The following OR51E1 variants were observed in gnomAD, a reference collection of about 807,000 sequenced individuals.
OR51E1 encodes the protein olfactory receptor 51E1.
OR51E1 carries 9 observed loss-of-function variants against 11.5 expected under a neutral mutation model. The observed-to-expected ratio is 0.78, with a 90% CI of 0.47 to 1.37. OR51E1 has a LOEUF of 1.37. OR51E1 is among the 40% of genes most tolerant of loss of function. OR51E1 has a pLI of 0.00. For missense variants in OR51E1, 397 were observed against 410.2 expected (o/e 0.97, Z 0.28); for synonymous variants, 168 against 158.3 (o/e 1.06, Z -0.46).
Position 4,653,077 on chromosome 11 carries a change from A to C in OR51E1, c.551A>C (p.His184Pro). The C allele has an allele frequency of 1.2e-6, 2 of 1,613,880 alleles. No individual in the cohort carries two copies. The highest frequency in any genetic ancestry group is 1.7e-6 in the Non-Finnish European group (2 of 1,179,934). The change falls in exon 2 of 2, where the codon CAC becomes CCC. Residue 184 changes from histidine (H) to proline (P), a missense_variant. By Grantham distance (77) the His-to-Pro change is moderately conservative (BLOSUM62 -2). Coordinates refer to ENST00000396952, the MANE Select transcript of OR51E1 (RefSeq NM_152430.4). ...SNILSHSYCL[H>P]QDVMKLACDD... ...ATCCTTTCCCATTCCTACTGCCTAC[A>C]CCAAGATGTCATGAAGCTGGCCTGT...
intron 1 of OR51E1, among the ~76,000 whole-genome samples, chr11:4,647,681 C>T (rs1847046440): frequency 6.6e-6 from 1 of 152,132 alleles, no homozygotes; most frequent in African/African-American, 2.4e-5. Context: ...CCAGTCTTTA[C>T]AGCTGGGAGC....
At chr11:4,646,936 T>C (rs1018448262) in intron 1 of OR51E1, among the ~76,000 whole-genome samples, 1 of 152,218 alleles carries the variant, frequency 6.6e-6, no homozygotes, top group African/African-American at 2.4e-5. Context: ...TGTTATTTAA[T>C]GTCTTGGAGC....
At chr11:4,644,691 A>G (rs886892618) in intron 1 of OR51E1, among the ~76,000 whole-genome samples, 8 of 152,120 alleles carry the variant, frequency 5.3e-5, no homozygotes, top group Non-Finnish European at 8.8e-5. Context: ...CAGCTTTCCA[A>G]ACAAGGTCTG....
At chr11:4,644,650 A>G (rs1292466774) in intron 1 of OR51E1, among the ~76,000 whole-genome samples, 1 of 151,974 alleles carries the variant, frequency 6.6e-6, no homozygotes, top group Non-Finnish European at 1.5e-5. Flanking sequence ...CTTGCCTTGT[A>G]CTCTTTACCC....
At position 4,654,374 on chromosome 11, in the gene OR51E1, C is replaced by T. The variant is rs1288398334; in HGVS notation, c.*891C>T. 6.0e-6 allele frequency: 1 copy of T among 167,030 alleles called. No individual in the cohort carries two copies. The highest frequency in any genetic ancestry group is 1.5e-5 in the Non-Finnish European group (1 of 68,122). 10.3% of individuals were successfully genotyped at this position (167,030 alleles called of 1,614,324 possible). On this transcript the variant is annotated 3_prime_UTR_variant, in exon 2 of 2. Coordinates refer to ENST00000396952, the MANE Select transcript of OR51E1 (RefSeq NM_152430.4). ...CATCCAGTGTTGTATTTAGGAATTT[C>T]CTGGCAACAGAACTCATGGCTTTAA... is the stretch of plus-strand genomic sequence containing the variant.
intron 1 of OR51E1, among the ~76,000 whole-genome samples, chr11:4,645,002 C>G (rs573476518): frequency 1.2e-4 from 18 of 152,240 alleles, no homozygotes; most frequent in Non-Finnish European, 2.4e-4. Context: ...AATGCACTTT[C>G]CCTGGATCTT....
intron 1 of OR51E1, among the ~76,000 whole-genome samples, chr11:4,648,686 T>C (rs1857783): frequency 0.55 from 83,385 of 151,930 alleles, 23,661 homozygotes; most frequent in East Asian, 0.94. Context: ...CATATCTGTT[T>C]ATGTAAAACT....
chr11:4,652,693 A>T lies in OR51E1; in HGVS notation c.167A>T (p.His56Leu), dbSNP rs1034217959. The T allele has an allele frequency of 7.4e-6, 12 of 1,614,062 alleles. No individual in the cohort carries two copies. Among genetic ancestry groups the T allele is most frequent in the Non-Finnish European group, 1.0e-5 (12 of 1,180,038 alleles). ...LTIIYIVRTE[H>L]SLHEPMYIFL... Reference sequence around the variant, plus strand: ...ATCATCTACATTGTGCGGACTGAGCACAGCCTGCATGAGCCCATGTATATA... The same window carrying T: ...ATCATCTACATTGTGCGGACTGAGCTCAGCCTGCATGAGCCCATGTATATA... Residue 56 changes from histidine to leucine, a missense_variant, in exon 2 of 2, where the codon CAC becomes CTC. Coordinates refer to ENST00000396952, the MANE Select transcript of OR51E1 (RefSeq NM_152430.4).
At chr11:4,645,613 C>T (rs776836761) in intron 1 of OR51E1, among the ~76,000 whole-genome samples, 1 of 152,214 alleles carries the variant, frequency 6.6e-6, no homozygotes, top group Non-Finnish European at 1.5e-5. Flanking sequence ...CAAAATCCCA[C>T]TTTGGGCATT....
intron 1 of OR51E1, among the ~76,000 whole-genome samples, chr11:4,645,252 C>G (rs1192795167): frequency 2.0e-5 from 3 of 152,196 alleles, no homozygotes; most frequent in Non-Finnish European, 4.4e-5. Context: ...CAGTTTTTGA[C>G]ACTCAATATG....
At position 4,652,543 on chromosome 11, in the gene OR51E1, A is replaced by G. The variant is rs149764012; in HGVS notation, c.17A>G (p.Asn6Ser). 3.0e-5 allele frequency: 49 copies of G among 1,612,164 alleles called. No homozygotes were observed. The highest frequency in any genetic ancestry group is 1.3e-4 in the South Asian group (12 of 90,970). MMVDP[N>S]GNESSATYFI... The stretch of plus-strand genomic sequence containing the variant: ...AGCTTCTTCATGATGGTGGATCCCA[A>G]TGGCAATGAATCCAGTGCTACATAC... The change falls in exon 2 of 2, where the codon AAT becomes AGT. Residue 6 changes from asparagine to serine, a missense_variant. Physicochemically the swap from Asn to Ser is conservative, Grantham distance 46. Transcript: ENST00000396952.
Position 4,652,518 on chromosome 11 carries a change from A to C in OR51E1, c.-9A>C, listed in dbSNP as rs759920531. On this transcript the variant is annotated 5_prime_UTR_variant, in exon 2 of 2. Coordinates refer to ENST00000396952, the MANE Select transcript of OR51E1 (RefSeq NM_152430.4). The stretch of plus-strand genomic sequence containing the variant: ...ACCTGCCTGGTGCTGGTCACAGTTC[A>C]GCTTCTTCATGATGGTGGATCCCAA... 1.3e-6 allele frequency: 2 copies of C among 1,593,496 alleles called. No homozygotes were observed. Among genetic ancestry groups the C allele is most frequent in the Non-Finnish European group, 1.7e-6 (2 of 1,162,976 alleles).
At position 4,652,924 on chromosome 11, in the gene OR51E1, T is replaced by C. The variant is rs1847118565; in HGVS notation, c.398T>C (p.Leu133Pro). The stretch of plus-strand genomic sequence containing the variant: ...CGCTATGTGGCCATCTGTCACCCAC[T>C]GCGCCATGCCACAGTACTTACGTTG... ...FDRYVAICHPLRHATVLTLPR... is the reference protein window; with the variant it reads ...FDRYVAICHPPRHATVLTLPR... Residue 133 changes from leucine (L) to proline (P), a missense_variant, in exon 2 of 2, where the codon CTG becomes CCG. Transcript: ENST00000396952. 6.2e-7 allele frequency: 1 copy of C among 1,610,586 alleles called. No homozygotes were observed. The highest frequency in any genetic ancestry group is 8.5e-7 in the Non-Finnish European group (1 of 1,178,060).
rs1847133581 is a variant in OR51E1 at position 4,653,589 on chromosome 11, A to G, written c.*106A>G. ...GAAAAAAAATTTCCTTAATAAAAAT[A>G]CAACTCAGATCCTTCAAATATGAAA... On this transcript the variant is annotated 3_prime_UTR_variant, in exon 2 of 2. Transcript: ENST00000396952. The G allele has an allele frequency of 1.5e-6, 1 of 647,206 alleles. No homozygotes were observed. Among genetic ancestry groups the G allele is most frequent in the East Asian group, 2.7e-5 (1 of 37,024 alleles). The allele number at this position is 647,206 out of a possible 1,614,324, so 40.1% of individuals were successfully genotyped here.
chr11:4,655,124 A>G lies in OR51E1; in HGVS notation c.*1641A>G, dbSNP rs1356369533. ...AAGTGCCTAGAACATAATAGTGCTT[A>G]TGCTTGACACCGGTTATTTTTCATC... On this transcript the variant is annotated 3_prime_UTR_variant, in exon 2 of 2. Transcript: ENST00000396952. 2 of 167,104 alleles carry G rather than the reference A, an allele frequency of 1.2e-5. No homozygotes were observed. The highest frequency in any genetic ancestry group is 2.9e-5 in the Non-Finnish European group (2 of 68,126). The allele number at this position is 167,104 out of a possible 1,614,324, so 10.4% of individuals were successfully genotyped here.
In OR51E1 at chr11:4,655,188, A is replaced by G. The variant is rs1039414024; in HGVS notation, c.*1705A>G. 6.0e-5 allele frequency: 10 copies of G among 167,070 alleles called. No individual in the cohort carries two copies. The highest frequency in any genetic ancestry group is 2.2e-4 in the African/African-American group (9 of 41,438). The allele number at this position is 167,070 out of a possible 1,614,324, so 10.3% of individuals were successfully genotyped here. On this transcript the variant is annotated 3_prime_UTR_variant, in exon 2 of 2. Transcript: ENST00000396952. ...TCTGTCCTGAACACATAGCCAGGCAATTTTCCAGCCTTCTTTGAGTTGGGT... is the reference window on the plus strand; with the variant it reads ...TCTGTCCTGAACACATAGCCAGGCAGTTTTCCAGCCTTCTTTGAGTTGGGT...
chr11:4,652,469 G>C lies in OR51E1; in HGVS notation c.-39-19G>C, dbSNP rs555704272. 104 of 1,154,386 alleles carry C rather than the reference G, an allele frequency of 9.0e-5. 1 individual carries two copies. The Admixed American group carries it at 1.4e-3, about 16-fold the overall frequency. The allele number at this position is 1,154,386 out of a possible 1,614,324, so 71.5% of individuals were successfully genotyped here. On this transcript the variant is annotated intron_variant, in intron 1 of 1. Transcript: ENST00000396952. ...TGGGATGCTTATGGATCTGACAGTG[G>C]CTTATCTTTGCATTCCAGCCTCTAC...
Position 4,653,179 on chromosome 11 carries a change from C to A in OR51E1, c.653C>A (p.Ser218Tyr). Residue 218 changes from serine (S) to tyrosine (Y), a missense_variant, in exon 2 of 2, where the codon TCC becomes TAC. Coordinates refer to ENST00000396952, the MANE Select transcript of OR51E1 (RefSeq NM_152430.4). ...SAIGLDSLLI[S>Y]FSYLLILKTV... ...ATTGGCCTGGACTCACTTCTCATCT[C>A]CTTCTCATATCTGCTTATTCTTAAG... 3 of 1,614,114 alleles carry A rather than the reference C, an allele frequency of 1.9e-6. No homozygotes were observed. The highest frequency in any genetic ancestry group is 2.5e-6 in the Non-Finnish European group (3 of 1,179,976).
chr11:4,649,780 A>G lies in OR51E1; in HGVS notation c.-39-2708A>G, dbSNP rs1847071927. On this transcript the variant is annotated intron_variant, in intron 1 of 1. Coordinates refer to ENST00000396952, the MANE Select transcript of OR51E1 (RefSeq NM_152430.4). ...CACTGGAGGAAAATGGTTAACAGCA[A>G]CAGATATTATTTTTGGCATACTTAC... Among the ~76,000 whole-genome samples the G allele has an allele frequency of 2.6e-5, 4 of 152,308 alleles. No homozygotes were observed. In the South Asian group the frequency reaches 8.3e-4, roughly 32 times the overall value.
Sources: gnomAD v4.1 joint callset for allele counts (sites outside exome capture counted in the v4.1 genomes callset) on GRCh38, gnomAD v4.1.1 for gene constraint, MANE v1.5 for transcripts, NCBI Gene and HGNC (gene_info 2026-07-23, HGNC 2026-07-21) for gene names.